Variants in POLB observed in about 807,000 individuals in gnomAD.
POLB encodes the protein DNA polymerase beta.
A neutral mutation model predicts 52.7 loss-of-function variants in POLB; 37 were observed. The ratio of observed to expected loss-of-function variants is 0.70; its 90% CI spans 0.54 to 0.92. The LOEUF is 0.92. POLB is among the 40% of genes least tolerant of loss of function. POLB has a pLI of 0.00. For missense variants in POLB, 313 were observed against 400.8 expected (o/e 0.78, Z 1.87); for synonymous variants, 138 against 131.3 (o/e 1.05, Z -0.35).
rs550680891 is a variant in POLB at position 42,370,787 on chromosome 8, G to A, written c.914-776G>A. Among the ~76,000 whole-genome samples, 9 of 152,272 alleles carry A rather than the reference G, an allele frequency of 5.9e-5. No homozygotes were observed. The South Asian group carries it at 1.7e-3, about 28-fold the overall frequency. On this transcript the variant is annotated intron_variant, in intron 13 of 13. Coordinates refer to ENST00000265421, the MANE Select transcript of POLB (RefSeq NM_002690.3). ...TACACTAACACTCACGATAGCTGAT[G>A]AGCTTTAAAGAAAAAAATCATAAAA... is the stretch of plus-strand genomic sequence containing the variant.
intron 11 of POLB, among the ~76,000 whole-genome samples, chr8:42,365,441 A>G (rs1425322224): frequency 6.6e-6 from 1 of 152,206 alleles, no homozygotes; most frequent in Non-Finnish European, 1.5e-5. Context: ...GGTGGATTTT[A>G]ATTCACTCAA....
intron 3 of POLB, among the ~76,000 whole-genome samples, chr8:42,346,869 A>G (rs796621128): frequency 1.8e-4 from 28 of 152,302 alleles, no homozygotes; most frequent in African/African-American, 5.8e-4. Flanking sequence ...TGTGGCATAG[A>G]CAGTTCTCAG....
intron 13 of POLB, among the ~76,000 whole-genome samples, chr8:42,371,011 A>C (rs1025819837): frequency 6.6e-6 from 1 of 152,186 alleles, no homozygotes; most frequent in East Asian, 1.9e-4. Context: ...AAGGACAATC[A>C]TGAGTGAGGA....
intron 6 of POLB, 33 bp from the exon 7 acceptor site, chr8:42,355,483 T>G (rs1823252873): frequency 7.9e-7 from 1 of 1,262,568 alleles, no homozygotes; most frequent in East Asian, 2.3e-5. Context: ...AGCATTTAAA[T>G]TAACATGTCA....
intron 11 of POLB, among the ~76,000 whole-genome samples, chr8:42,367,457 C>G (rs941426741): frequency 2.6e-5 from 4 of 152,088 alleles, no homozygotes; most frequent in Non-Finnish European, 5.9e-5. Flanking sequence ...GTCCGAGCAC[C>G]AAGCCTATGG....
intron 13 of POLB, among the ~76,000 whole-genome samples, chr8:42,370,941 C>G (rs2130866065): frequency 6.6e-6 from 1 of 152,274 alleles, no homozygotes; most frequent in East Asian, 1.9e-4. Flanking sequence ...TGCTGCTAGT[C>G]CAAGAACCGA....
At position 42,370,126 on chromosome 8, in the gene POLB, C is replaced by T. The variant is rs568461510; in HGVS notation, c.913+138C>T. The T allele has an allele frequency of 1.7e-4, 121 of 732,062 alleles. 1 individual carries two copies. The South Asian group carries it at 1.8e-3, about 11-fold the overall frequency. The allele number at this position is 732,062 out of a possible 1,614,324, so 45.3% of individuals were successfully genotyped here. A position where few individuals can be genotyped will look rare whatever the true frequency, so the allele number is the denominator to read the frequency against. Reference sequence around the variant, plus strand: ...TTTGTATTTTTAGTCCTTCAGGCAACGAGAGAGGATTTAATGCATAACATG... The same window carrying T: ...TTTGTATTTTTAGTCCTTCAGGCAATGAGAGAGGATTTAATGCATAACATG... On this transcript the variant is annotated intron_variant, in intron 13 of 13. Transcript: ENST00000265421.
chr8:42,342,632 C>T (rs1822277051), intron 2 of POLB: 1 of 640,356 alleles, frequency 1.6e-6, no homozygotes, highest in South Asian at 1.8e-5. Context: ...TAACAAAGTC[C>T]ATCCTGTGGA....
At chr8:42,352,908 C>T (rs1823061941) in intron 6 of POLB, among the ~76,000 whole-genome samples, 1 of 151,872 alleles carries the variant, frequency 6.6e-6, no homozygotes, top group African/African-American at 2.4e-5. Context: ...AACCCCATCT[C>T]TACTAAAAAT....
At chr8:42,344,390 AC>A (rs1460808216) in intron 2 of POLB, among the ~76,000 whole-genome samples, 2 of 148,672 alleles carry the variant, frequency 1.3e-5, no homozygotes, top group Non-Finnish European at 3.0e-5. Flanking sequence ...AATCGCTTGA[AC>A]CCCAGAGGCG....
chr8:42,350,719 T>G (rs940512366), intron 5 of POLB, among the ~76,000 whole-genome samples: 3 of 152,214 alleles, frequency 2.0e-5, no homozygotes, highest in Non-Finnish European at 4.4e-5. Flanking sequence ...GGGGCATTCC[T>G]TTAAATATAA....
chr8:42,343,345 A>AATATATATATATATATATATATAT (rs1554531634), intron 2 of POLB, among the ~76,000 whole-genome samples: 1 of 33,066 alleles, frequency 3.0e-5, no homozygotes, highest in African/African-American at 5.9e-5. Context: ...AAAAAAAAAA[A>AATATATATATATATATATATATAT]ATATATATAT....
intron 5 of POLB, 76 bp downstream of exon 5, chr8:42,350,141 G>A: frequency 1.0e-6 from 1 of 965,582 alleles, no homozygotes; most frequent in Non-Finnish European, 1.7e-6. Context: ...ATTACATGCT[G>A]TTTCTCAAAA....
At chr8:42,341,491 C>G (rs1177364255) in intron 2 of POLB, among the ~76,000 whole-genome samples, 1 of 152,210 alleles carries the variant, frequency 6.6e-6, no homozygotes, top group Admixed American at 6.5e-5. Context: ...GTTCCAAAGA[C>G]TATCCAGTGT....
chr8:42,371,332 A>G (rs1468772288), intron 13 of POLB, among the ~76,000 whole-genome samples: 1 of 152,088 alleles, frequency 6.6e-6, no homozygotes, highest in African/African-American at 2.4e-5. Context: ...CATGTTGGTC[A>G]GGCTGGTCTC....
intron 6 of POLB, among the ~76,000 whole-genome samples, chr8:42,354,753 A>G (rs1271427586): frequency 1.1e-4 from 16 of 151,948 alleles, no homozygotes; most frequent in Admixed American, 1.1e-3. Flanking sequence ...CATGTTGGTC[A>G]GGCTGGTCTC....
At chr8:42,342,497 G>T (rs1006000445) in intron 2 of POLB, 1 of 1,000,044 alleles carries the variant, frequency 1.0e-6, no homozygotes, top group Non-Finnish European at 1.6e-6. Flanking sequence ...CTCTATTTGG[G>T]TGTGTTGTAT....
intron 1 of POLB, 135 bp from the exon 2 acceptor site, chr8:42,338,877 G>A: frequency 1.1e-6 from 1 of 940,740 alleles, no homozygotes; most frequent in South Asian, 1.4e-5. Context: ...CCATCGCTTG[G>A]GCTGCTTTTG....
chr8:42,369,731 T>A, intron 12 of POLB, 118 bp from the exon 13 acceptor site: 1 of 633,972 alleles, frequency 1.6e-6, no homozygotes, highest in Non-Finnish European at 2.7e-6. Flanking sequence ...TCTCTTCAAA[T>A]TATTAGACCA....
Sources: gnomAD v4.1 joint callset for allele counts (sites outside exome capture counted in the v4.1 genomes callset) on GRCh38, gnomAD v4.1.1 for gene constraint, MANE v1.5 for transcripts, NCBI Gene and HGNC (gene_info 2026-07-23, HGNC 2026-07-21) for gene names.